The following PPP2R5C variants were observed in gnomAD, a reference collection of about 807,000 sequenced individuals.
The protein encoded by PPP2R5C is protein phosphatase 2 regulatory subunit B'gamma, also known as serine/threonine-protein phosphatase 2A 56 kDa regulatory subunit gamma isoform.
In PPP2R5C, 7 loss-of-function variants were observed where a neutral mutation model predicts 68.9. That is an observed-to-expected ratio of 0.10 (90% CI 0.06 to 0.19). The LOEUF is 0.19. Among genes scored for constraint, PPP2R5C ranks in the 10% least tolerant of loss-of-function variants. The pLI is 1.00. For synonymous variants in PPP2R5C, 210 were observed against 222.2 expected, an observed-to-expected ratio of 0.95 and a Z score of 0.49; for missense variants, 348 against 641.3, an observed-to-expected ratio of 0.54 and a Z score of 4.94.
chr14:101,917,895 T>C lies in PPP2R5C; in HGVS notation c.1391T>C (p.Leu464Ser), dbSNP rs752459616. Residue 464 changes from leucine (L) to serine (S), a missense_variant, in exon 13 of 14, where the codon TTA (leucine) becomes TCA (serine). Transcript: ENST00000334743. This position sits in a 1 kb window ranked among gnomAD's most constrained non-coding sequence, Gnocchi z 4.4. ...GTTGCAATGGAGACAGATGGGCCTT[T>C]ATTTGAAGATGTGCAGATGCTGAGA... The C allele has an allele frequency of 2.5e-6, 4 of 1,613,734 alleles. No individual in the cohort carries two copies. The highest frequency in any genetic ancestry group is 1.6e-4 in the Middle Eastern group (1 of 6,078).
chr14:101,779,069 A>G (rs2037552716), intron 2 of PPP2R5C, among the ~76,000 whole-genome samples: 3 of 152,172 alleles, frequency 2.0e-5, no homozygotes, highest in African/African-American at 7.2e-5. Context: ...AAAAAATTAA[A>G]AATAAAAATA....
intron 3 of PPP2R5C, among the ~76,000 whole-genome samples, chr14:101,790,758 C>T (rs1290114899): frequency 6.6e-6 from 1 of 152,176 alleles, no homozygotes; most frequent in Non-Finnish European, 1.5e-5. Context: ...GAATTCCTGG[C>T]TTGTGTGGTA....
exon 9 of PPP2R5C, chr14:101,901,836 A>G: frequency 1.9e-6 from 3 of 1,614,208 alleles, no homozygotes; most frequent in Non-Finnish European, 2.5e-6. Flanking sequence ...TGTGAAGATC[A>G]TGGAACCCCT....
chr14:101,799,378 G>A (rs774470933), intron 3 of PPP2R5C, among the ~76,000 whole-genome samples: 2 of 152,146 alleles, frequency 1.3e-5, no homozygotes, highest in Non-Finnish European at 2.9e-5. Context: ...CATGGGGAGC[G>A]CACTCCATAT....
rs1375353810 is a variant in PPP2R5C, at chr14:101,781,900, C to A, written c.94-4118C>A. Among the ~76,000 whole-genome samples the A allele has an allele frequency of 6.6e-6, 1 of 151,888 alleles. No homozygotes were observed. Among genetic ancestry groups the A allele is most frequent in the Non-Finnish European group, 1.5e-5 (1 of 67,928 alleles). ...TACCGGAGCGGCACCCAGGAGCCCGCCCTAGCACCCGCTCCCGCTCCCACC... is the reference window on the plus strand; with the variant it reads ...TACCGGAGCGGCACCCAGGAGCCCGACCTAGCACCCGCTCCCGCTCCCACC... On this transcript the variant is annotated intron_variant, in intron 2 of 14. Coordinates refer to the PPP2R5C transcript ENST00000328724. This position sits in a 1 kb window ranked among gnomAD's most constrained non-coding sequence, Gnocchi z 6.4.
At chr14:101,912,761 A>G (rs193215377) in intron 12 of PPP2R5C, 87 of 320,768 alleles carry the variant, frequency 2.7e-4, no homozygotes, top group Admixed American at 1.0e-3. Context: ...ACAGCCTGAG[A>G]CTGTGCCTCC....
rs2046648006 is a variant in PPP2R5C at position 101,916,018 on chromosome 14, G to A, written c.1327-1813G>A. Among the ~76,000 whole-genome samples the A allele has an allele frequency of 6.6e-6, 1 of 152,160 alleles. No individual in the cohort carries two copies. The highest frequency in any genetic ancestry group is 2.4e-5 in the African/African-American group (1 of 41,428). ...GGTGACAGGTGTCGGTCCTGGTGGG[G>A]TGTCAGTTATGGGGTGGGCCGGTGC... is the stretch of plus-strand genomic sequence containing the variant. On this transcript the variant is annotated intron_variant, in intron 12 of 13. Coordinates refer to ENST00000334743, the Ensembl canonical transcript of PPP2R5C. The surrounding 1 kb of genome is among the most constrained non-coding windows in gnomAD (Gnocchi z 5.5).
intron 1 of PPP2R5C, among the ~76,000 whole-genome samples, chr14:101,849,724 C>G (rs143027442): frequency 6.6e-6 from 1 of 152,078 alleles, no homozygotes; most frequent in African/African-American, 2.4e-5. Flanking sequence ...TTCTTCTTTT[C>G]TTTTCTTTCT....
intron 2 of PPP2R5C, among the ~76,000 whole-genome samples, chr14:101,881,866 A>G (rs1400159956): frequency 3.9e-5 from 6 of 152,216 alleles, no homozygotes; most frequent in South Asian, 2.1e-4. Context: ...CTCAGAAGTC[A>G]TCACTGTGCC....
exon 3 of PPP2R5C, chr14:101,786,040 G>T (rs2038075902): frequency 6.5e-7 from 1 of 1,533,520 alleles, no homozygotes; most frequent in Admixed American, 2.2e-5. Flanking sequence ...AGGAAAAACA[G>T]CCTTGTTGCT....
intron 2 of PPP2R5C, among the ~76,000 whole-genome samples, chr14:101,770,756 A>G (rs957981973): frequency 3.3e-5 from 5 of 152,270 alleles, no homozygotes; most frequent in Non-Finnish European, 7.3e-5. Flanking sequence ...AAGTTCCTAC[A>G]TTAAAGCAAC....
intron 2 of PPP2R5C, among the ~76,000 whole-genome samples, chr14:101,864,153 T>C (rs937406022): frequency 1.3e-5 from 2 of 152,340 alleles, no homozygotes; most frequent in African/African-American, 2.4e-5. Context: ...TCAATAAATA[T>C]TCATTCAATA....
At chr14:101,861,620 G>A (rs2042742581) in intron 2 of PPP2R5C, among the ~76,000 whole-genome samples, 1 of 152,174 alleles carries the variant, frequency 6.6e-6, no homozygotes. Context: ...TGACCCTTGT[G>A]CACACATGGT....
chr14:101,804,054 G>A (rs1386446226), intron 3 of PPP2R5C, among the ~76,000 whole-genome samples: 1 of 152,172 alleles, frequency 6.6e-6, no homozygotes, highest in African/African-American at 2.4e-5. Flanking sequence ...CCGATCACAA[G>A]ATGGGCAAAA....
rs1555386180 is a variant in PPP2R5C at position 101,821,448 on chromosome 14, G to GT, written c.94+11412_94+11413insT. The stretch of plus-strand genomic sequence containing the variant: ...ATTTTCTCCCTGTGGGGGGTGGGTG[G>GT]GTGGGTGTGTGTGTGTGTGTGTGTG... On this transcript the variant is annotated intron_variant, in intron 1 of 13. Transcript: ENST00000334743. 7.9e-3 allele frequency among the ~76,000 whole-genome samples: 466 copies of GT among 58,870 alleles called. 3 individuals carry two copies. The highest frequency in any genetic ancestry group is 0.017 in the African/African-American group (382 of 22,118). The allele number at this position is 58,870 out of a possible 152,430, so 38.6% of individuals were successfully genotyped here. A position where few individuals can be genotyped will look rare whatever the true frequency, so the allele number is the denominator to read the frequency against.
chr14:101,831,627 A>T, intron 1 of PPP2R5C: 1 of 620,418 alleles, frequency 1.6e-6, no homozygotes, highest in South Asian at 1.8e-5. Flanking sequence ...CAAGAATTAC[A>T]GTTGACCCTT....
chr14:101,911,229 A>T (rs984264814), intron 11 of PPP2R5C, among the ~76,000 whole-genome samples: 7 of 152,160 alleles, frequency 4.6e-5, no homozygotes, highest in Non-Finnish European at 8.8e-5. Flanking sequence ...AGCCAAGATC[A>T]CGCCACTGCA....
intron 3 of PPP2R5C, among the ~76,000 whole-genome samples, chr14:101,798,874 T>C (rs2038736785): frequency 6.6e-6 from 1 of 152,148 alleles, no homozygotes; most frequent in Non-Finnish European, 1.5e-5. Context: ...AGGCATCCAC[T>C]CCTTAGCAAG....
At chr14:101,892,858 C>T (rs2045048687) in intron 6 of PPP2R5C, 142 bp from the exon 9 acceptor site, 2 of 629,072 alleles carry the variant, frequency 3.2e-6, no homozygotes, top group South Asian at 3.8e-5. Flanking sequence ...AGCTGGGGCA[C>T]AGGTGCATGG....
Sources: allele counts gnomAD v4.1 joint callset (sites outside exome capture counted in the v4.1 genomes callset), GRCh38; gene constraint gnomAD v4.1.1; non-coding constraint Gnocchi (gnomAD v3.1); transcripts MANE v1.5; gene names NCBI Gene and HGNC (gene_info 2026-07-23, HGNC 2026-07-21).